The following NDUFA10 variants were observed in gnomAD, a reference collection of about 807,000 sequenced individuals.
NDUFA10 encodes the protein NADH dehydrogenase [ubiquinone] 1 alpha subcomplex subunit 10, mitochondrial.
In NDUFA10, 40 loss-of-function variants were observed where a neutral mutation model predicts 47.8. The observed-to-expected ratio is 0.84, with a 90% CI of 0.65 to 1.09. The LOEUF is 1.09. NDUFA10 is among the 50% of genes least tolerant of loss of function. NDUFA10 has a pLI of 0.00. For missense variants in NDUFA10, 413 were observed against 451.1 expected (o/e 0.92, Z 0.76); for synonymous variants, 183 against 172.2 (o/e 1.06, Z -0.49).
intron 9 of NDUFA10, among the ~76,000 whole-genome samples, chr2:239,989,516 C>T (rs1200213160): frequency 6.6e-6 from 1 of 152,248 alleles, no homozygotes; most frequent in East Asian, 1.9e-4. Context: ...GCAACTCACC[C>T]GCTGGTTCCC....
intron 9 of NDUFA10, among the ~76,000 whole-genome samples, chr2:239,984,873 G>A (rs962077233): frequency 3.3e-5 from 5 of 152,232 alleles, no homozygotes; most frequent in African/African-American, 1.2e-4. Context: ...AGTGCACTGT[G>A]GGGCCAAACA....
At chr2:239,894,895 C>T (rs1269786243) in intron 5 of NDUFA10, among the ~76,000 whole-genome samples, 4 of 152,086 alleles carry the variant, frequency 2.6e-5, no homozygotes, top group Non-Finnish European at 5.9e-5. Context: ...TCCTGAGGTA[C>T]CTCAAATTTA....
At chr2:240,021,449 A>T in intron 2 of NDUFA10, 37 bp from the exon 3 acceptor site, 6 of 1,580,030 alleles carry the variant, frequency 3.8e-6, no homozygotes, top group Non-Finnish European at 5.2e-6. Context: ...TCTGATGCAC[A>T]TCACTCACTC....
intron 8 of NDUFA10, among the ~76,000 whole-genome samples, chr2:239,994,624 C>T (rs1696393841): frequency 6.6e-6 from 1 of 152,102 alleles, no homozygotes; most frequent in Non-Finnish European, 1.5e-5. Flanking sequence ...AACCATCCAC[C>T]CATCCCCGCC....
chr2:239,919,890 GC>G (rs1010692884), intron 4 of NDUFA10, among the ~76,000 whole-genome samples: 1 of 152,168 alleles, frequency 6.6e-6, no homozygotes, highest in Non-Finnish European at 1.5e-5. Context: ...GCCCAGGTCT[GC>G]CATAGGGAGG....
chr2:239,899,425 T>G (rs1280358787), intron 4 of NDUFA10, among the ~76,000 whole-genome samples: 7 of 94,872 alleles, frequency 7.4e-5, no homozygotes, highest in Admixed American at 1.0e-4. Context: ...GATGGAGGGG[T>G]GTGATGGAGG....
At chr2:240,022,451 A>T in intron 1 of NDUFA10, 111 bp from the exon 2 acceptor site, 1 of 1,458,064 alleles carries the variant, frequency 6.9e-7, no homozygotes, top group South Asian at 1.2e-5. Context: ...AAAAATGCCA[A>T]CATCTACATC....
chr2:239,994,033 G>C (rs762970176), intron 8 of NDUFA10, among the ~76,000 whole-genome samples: 4 of 152,090 alleles, frequency 2.6e-5, no homozygotes, highest in Non-Finnish European at 5.9e-5. Context: ...TCGAGTCATG[G>C]TCTCCTCCTT....
chr2:239,952,265 G>A (rs1177031176), intron 4 of NDUFA10, among the ~76,000 whole-genome samples: 1 of 145,002 alleles, frequency 6.9e-6, no homozygotes, highest in Non-Finnish European at 1.5e-5. Flanking sequence ...GCAGGGTGGG[G>A]GCCAAAGCAC....
chr2:239,915,007 G>C (rs111067622), intron 4 of NDUFA10, among the ~76,000 whole-genome samples: 20,389 of 133,366 alleles, frequency 0.15, 2,036 homozygotes, highest in African/African-American at 0.2. Flanking sequence ...GACACACACA[G>C]AGAGACACAC....
At chr2:239,904,438 C>A (rs183232673) in intron 4 of NDUFA10, among the ~76,000 whole-genome samples, 5 of 152,184 alleles carry the variant, frequency 3.3e-5, no homozygotes, top group African/African-American at 1.2e-4. Flanking sequence ...GCTGGGATTA[C>A]AGGCACACGC....
downstream of NDUFA10, among the ~76,000 whole-genome samples, chr2:239,956,562 G>A (rs1265121656): frequency 3.3e-5 from 5 of 152,240 alleles, no homozygotes; most frequent in Non-Finnish European, 7.3e-5. Context: ...GACTGGCGTT[G>A]CTCCTGGAGT....
At position 239,975,407 on chromosome 2, in the gene NDUFA10, A is replaced by G. The variant is rs150506338; in HGVS notation, c.1000-14221T>C. 1.9e-3 allele frequency among the ~76,000 whole-genome samples: 291 copies of G among 152,338 alleles called. 1 individual carries two copies. Among genetic ancestry groups the G allele is most frequent in the African/African-American group, 6.7e-3 (279 of 41,586 alleles). On this transcript the variant is annotated intron_variant, in intron 9 of 9. Coordinates refer to ENST00000252711, the MANE Select transcript of NDUFA10 (RefSeq NM_004544.4). ...ACAACCCCCACACCTTAGTCTGTGC[A>G]TGGTGCTCACCCCAGGGGCCCTGCA...
intron 5 of NDUFA10, among the ~76,000 whole-genome samples, chr2:239,894,589 G>C (rs1387781508): frequency 6.6e-6 from 1 of 152,068 alleles, no homozygotes; most frequent in Admixed American, 6.6e-5. Context: ...GTCCCAGTGG[G>C]CCATTTCAGG....
chr2:239,973,330 A>G (rs1048438914), intron 9 of NDUFA10, among the ~76,000 whole-genome samples: 4 of 152,334 alleles, frequency 2.6e-5, no homozygotes, highest in African/African-American at 9.6e-5. Flanking sequence ...CGTCTCCCGC[A>G]TGTTTAGGTA....
intron 9 of NDUFA10, among the ~76,000 whole-genome samples, chr2:239,982,371 T>C (rs1695814172): frequency 1.3e-5 from 2 of 152,396 alleles, no homozygotes; most frequent in South Asian, 4.1e-4. Context: ...TTACTGTTTC[T>C]TCTAACGTGT....
chr2:239,942,461 G>A (rs1694374780), intron 4 of NDUFA10, among the ~76,000 whole-genome samples: 1 of 152,236 alleles, frequency 6.6e-6, no homozygotes, highest in Non-Finnish European at 1.5e-5. Flanking sequence ...GTTTGTTGCT[G>A]TTTGAAATGT....
At chr2:240,007,474 C>T in intron 6 of NDUFA10, 104 bp from the exon 7 acceptor site, 1 of 814,904 alleles carries the variant, frequency 1.2e-6, no homozygotes, top group South Asian at 1.4e-5. Flanking sequence ...AATTTAAAAC[C>T]TCACATTCTC....
intron 9 of NDUFA10, 40 bp from the exon 10 acceptor site, chr2:239,961,226 G>GA: frequency 6.2e-7 from 1 of 1,613,856 alleles, no homozygotes; most frequent in Non-Finnish European, 8.5e-7. Context: ...TGTTTAACGT[G>GA]AATGAATGTT....
Sources: allele counts gnomAD v4.1 joint callset (sites outside exome capture counted in the v4.1 genomes callset), GRCh38; gene constraint gnomAD v4.1.1; transcripts MANE v1.5; gene names NCBI Gene and HGNC (gene_info 2026-07-23, HGNC 2026-07-21).